Variants in EPM2A observed in about 807,000 individuals in gnomAD.
The protein encoded by EPM2A is laforin.
In EPM2A, 21 loss-of-function variants were observed where a neutral mutation model predicts 26.5. The observed-to-expected ratio is 0.79, with a 90% CI of 0.56 to 1.14. The LOEUF (loss-of-function observed/expected upper bound fraction) is 1.14, where lower values mean the gene tolerates loss of function less well. Ranked by LOEUF, EPM2A falls within the 50% of genes most tolerant of loss-of-function variation. The pLI is 0.00. For missense variants in EPM2A, 458 were observed against 440.8 expected (o/e 1.04, Z -0.35); for synonymous variants, 217 against 177.6 (o/e 1.22, Z -1.76).
downstream of EPM2A, among the ~76,000 whole-genome samples, chr6:145,501,002 T>C (rs1328606123): frequency 6.6e-6 from 1 of 152,222 alleles, no homozygotes; most frequent in Non-Finnish European, 1.5e-5. Flanking sequence ...AGGAGCTTTA[T>C]TCCATGTGTG....
chr6:145,676,089 G>C lies in EPM2A; in HGVS notation c.476+10033C>G, dbSNP rs572136126. Among the ~76,000 whole-genome samples, 21 of 152,292 alleles carry C rather than the reference G, an allele frequency of 1.4e-4. No homozygotes were observed. The South Asian group carries it at 4.3e-3, about 32-fold the overall frequency. ...ACAACAAACTGTCTCTCAGACCACA[G>C]TGAAATCAAATTAGAACTCAGGATT... On this transcript the variant is annotated intron_variant, in intron 2 of 3. Transcript: ENST00000367519.
intron 1 of EPM2A, among the ~76,000 whole-genome samples, chr6:145,711,009 AT>A (rs970271094): frequency 1.3e-5 from 2 of 150,686 alleles, no homozygotes; most frequent in African/African-American, 4.9e-5. Context: ...ATTAGGAGAT[AT>A]ACCTAATGTT....
chr6:145,558,265 T>TCTAG (rs1266102469), intron 2 of EPM2A, among the ~76,000 whole-genome samples: 1 of 152,086 alleles, frequency 6.6e-6, no homozygotes, highest in Non-Finnish European at 1.5e-5. Context: ...GTGAGGCCTC[T>TCTAG]CTAGCTTCAT....
Position 145,626,678 on chromosome 6 carries a change from G to A in EPM2A, c.*738C>T. 1.0e-6 allele frequency: 1 copy of A among 981,460 alleles called. No individual in the cohort carries two copies. The highest frequency in any genetic ancestry group is 1.2e-6 in the Non-Finnish European group (1 of 826,286). 60.8% of individuals were successfully genotyped at this position (981,460 alleles called of 1,614,324 possible). A position where few individuals can be genotyped will look rare whatever the true frequency, so the allele number is the denominator to read the frequency against. On this transcript the variant is annotated 3_prime_UTR_variant, in exon 4 of 4. Coordinates refer to ENST00000367519, the MANE Select transcript of EPM2A (RefSeq NM_005670.4). ...TGCCCTTGACTGGTCATGAGACCTT[G>A]GACAAGCTACCTATGCTCATTAAGC...
intron 2 of EPM2A, among the ~76,000 whole-genome samples, chr6:145,596,914 G>GTC (rs1781352511): frequency 9.3e-6 from 1 of 107,854 alleles, no homozygotes; most frequent in Admixed American, 1.1e-4. Context: ...TTGAGACGGA[G>GTC]TCTCGCTCTG....
At chr6:145,417,271 G>A (rs143107946) in intron 4 of EPM2A, among the ~76,000 whole-genome samples, 32 of 152,310 alleles carry the variant, frequency 2.1e-4, no homozygotes, top group African/African-American at 6.0e-4. Flanking sequence ...TCCTACAGAA[G>A]TCTGTAAAAC....
chr6:145,490,773 G>A, intron 4 of EPM2A: 1 of 563,684 alleles, frequency 1.8e-6, no homozygotes, highest in South Asian at 1.5e-5. Context: ...TGTGACAACT[G>A]ACGTTCCACA....
chr6:145,592,443 C>T (rs1454345533), intron 2 of EPM2A, among the ~76,000 whole-genome samples: 1 of 152,066 alleles, frequency 6.6e-6, no homozygotes, highest in Non-Finnish European at 1.5e-5. Context: ...CAAGTCTTTG[C>T]TATTGTGAAT....
chr6:145,532,851 T>C lies in EPM2A; in HGVS notation c.341-30276A>G, dbSNP rs1780377789. Among the ~76,000 whole-genome samples, 2 of 152,174 alleles carry C rather than the reference T, an allele frequency of 1.3e-5. 1 individual carries two copies. The highest frequency in any genetic ancestry group is 4.1e-4 in the South Asian group (2 of 4,832). ...TTTCAGGTTTCCTGGCTGCACTTCCTCGCGAACACCTAGTCCAGCTCTCTT... is the reference window on the plus strand; with the variant it reads ...TTTCAGGTTTCCTGGCTGCACTTCCCCGCGAACACCTAGTCCAGCTCTCTT... On this transcript the variant is annotated intron_variant, in intron 2 of 3. Coordinates refer to the EPM2A transcript ENST00000450221.
chr6:145,709,412 G>A (rs9403741), intron 1 of EPM2A, among the ~76,000 whole-genome samples: 82,241 of 151,936 alleles, frequency 0.54, 22,778 homozygotes, highest in East Asian at 0.67. Flanking sequence ...TCCTGTTCTC[G>A]TGCTAGTGAA....
intron 4 of EPM2A, among the ~76,000 whole-genome samples, chr6:145,437,808 C>G (rs776368755): frequency 9.9e-5 from 15 of 152,158 alleles, no homozygotes; most frequent in Non-Finnish European, 2.2e-4. Context: ...CAGTTCAGTT[C>G]AATTCAGTCC....
At chr6:145,710,219 C>G (rs961073128) in intron 1 of EPM2A, among the ~76,000 whole-genome samples, 1 of 152,144 alleles carries the variant, frequency 6.6e-6, no homozygotes, top group Non-Finnish European at 1.5e-5. Flanking sequence ...ATCTACTCAT[C>G]TGACAAAGGG....
At chr6:145,537,929 A>T (rs1780455277) in intron 2 of EPM2A, among the ~76,000 whole-genome samples, 1 of 151,990 alleles carries the variant, frequency 6.6e-6, no homozygotes. Flanking sequence ...AAAGGATATG[A>T]TCTCATTGTT....
At chr6:145,659,368 T>C (rs1778522818) in intron 2 of EPM2A, among the ~76,000 whole-genome samples, 1 of 152,206 alleles carries the variant, frequency 6.6e-6, no homozygotes, top group Admixed American at 6.5e-5. Flanking sequence ...GAGGCAGCAT[T>C]GTACTTTACC....
Position 145,512,891 on chromosome 6 carries a change from CT to C in EPM2A, c.341-10317del, listed in dbSNP as rs1459833343. Among the ~76,000 whole-genome samples the C allele has an allele frequency of 2.0e-5, 3 of 151,976 alleles. No homozygotes were observed. The East Asian group carries it at 5.8e-4, about 29-fold the overall frequency. On this transcript the variant is annotated intron_variant, in intron 2 of 3. Coordinates refer to the EPM2A transcript ENST00000450221. ...CAGAAGAATAAAACTGGACCACTAT[CT>C]CTCACCATATACAAAAATTAACTCA...
intron 4 of EPM2A, among the ~76,000 whole-genome samples, chr6:145,431,671 G>A (rs1215714646): frequency 1.3e-5 from 2 of 152,192 alleles, no homozygotes; most frequent in African/African-American, 4.8e-5. Context: ...TTTGCCTCAA[G>A]GTTGATGGCT....
chr6:145,530,655 A>G (rs999124788), intron 2 of EPM2A, among the ~76,000 whole-genome samples: 1 of 152,232 alleles, frequency 6.6e-6, no homozygotes, highest in African/African-American at 2.4e-5. Context: ...CTGAGATCAC[A>G]CCTGTAATGT....
chr6:145,594,805 T>G (rs1232284489), intron 2 of EPM2A, among the ~76,000 whole-genome samples: 1 of 151,902 alleles, frequency 6.6e-6, no homozygotes, highest in Non-Finnish European at 1.5e-5. Context: ...AGGACAGCTA[T>G]TTAAGCCATT....
intron 2 of EPM2A, among the ~76,000 whole-genome samples, chr6:145,526,377 T>A (rs1441673199): frequency 6.6e-6 from 1 of 152,138 alleles, no homozygotes; most frequent in Non-Finnish European, 1.5e-5. Context: ...CTCTTCTTTA[T>A]ACGTCTAGTA....
Sources: allele counts gnomAD v4.1 joint callset (sites outside exome capture counted in the v4.1 genomes callset), GRCh38; gene constraint gnomAD v4.1.1; transcripts MANE v1.5; gene names NCBI Gene and HGNC (gene_info 2026-07-23, HGNC 2026-07-21).